The following PIEZO1 variants were observed in gnomAD, a reference collection of about 807,000 sequenced individuals.
PIEZO1 encodes the protein piezo-type mechanosensitive ion channel component 1.
In PIEZO1, 296 loss-of-function variants were observed where a neutral mutation model predicts 297.2. That is an observed-to-expected ratio of 1.00 (90% confidence interval 0.91 to 1.10). PIEZO1 has a LOEUF of 1.10. Ranked by LOEUF, PIEZO1 falls within the 50% of genes least tolerant of loss-of-function variation. PIEZO1 has a pLI of 0.00. For missense variants in PIEZO1, 5,018 were observed against 3,455.5 expected (o/e 1.45, Z -11.34); for synonymous variants, 2,427 against 1,507.5 (o/e 1.61, Z -14.13).
rs556126054 is a variant in PIEZO1 at position 88,784,993 on chromosome 16, C to G, written c.-29G>C. Reference sequence around the variant, plus strand: ...TGGAGGGCCCAGGGCCCGGCCCAGACCGAGCGGACGCCGCGGCGCTATGGG... The same window carrying G: ...TGGAGGGCCCAGGGCCCGGCCCAGAGCGAGCGGACGCCGCGGCGCTATGGG... On this transcript the variant is annotated 5_prime_UTR_variant, in exon 1 of 51. Transcript: ENST00000301015. 1.3e-3 allele frequency: 1,592 copies of G among 1,227,488 alleles called. 33 individuals are homozygous for G. In the South Asian group the frequency reaches 0.037, roughly 28 times the overall value. The allele number at this position is 1,227,488 out of a possible 1,614,324, so 76.0% of individuals were successfully genotyped here.
chr16:88,734,115 C>G, intron 16 of PIEZO1, 61 bp from the exon 17 acceptor site: 1 of 1,465,128 alleles, frequency 6.8e-7, no homozygotes, highest in Non-Finnish European at 9.1e-7. Context: ...TTTCCTGGGG[C>G]TGGAAGAAGC....
intron 44 of PIEZO1, chr16:88,719,364 C>A (rs1354105573): frequency 1.7e-6 from 1 of 575,430 alleles, no homozygotes; most frequent in African/African-American, 1.9e-5. Flanking sequence ...ACCAACTCCG[C>A]TGCCCACTTC....
Position 88,735,080 on chromosome 16 carries a change from T to C in PIEZO1, c.1670-27A>G, listed in dbSNP as rs564154897. The C allele has an allele frequency of 2.9e-5, 45 of 1,549,944 alleles. No individual in the cohort carries two copies. In the South Asian group the frequency reaches 4.8e-4, roughly 16 times the overall value. On this transcript the variant is annotated intron_variant, in intron 13 of 50. Coordinates refer to ENST00000301015, the MANE Select transcript of PIEZO1 (RefSeq NM_001142864.4). ...TGTGGGCCAAGCCAGGGGCAGGCGA[T>C]GGCATCAGGGCGGGCAGGCAGGAGG...
intron 2 of PIEZO1, among the ~76,000 whole-genome samples, chr16:88,746,866 C>T (rs1906086822): frequency 1.3e-5 from 2 of 152,190 alleles, no homozygotes; most frequent in Non-Finnish European, 2.9e-5. Flanking sequence ...AACGGCGAAA[C>T]GCCAGGGGCC....
In PIEZO1 at chr16:88,727,097, C is replaced by T. The variant is rs534527849; in HGVS notation, c.3397G>A (p.Asp1133Asn). ...EWQRMAGVNT[D>N]RLEPLRGEPN... ...TCCCCCCGCAGCGGCTCCAGGCGGT[C>T]GGTGTTGACGCCAGCCATGCGCTGC... is the stretch of plus-strand genomic sequence containing the variant. Residue 1133 changes from aspartate to asparagine, a missense_variant, in exon 24 of 51, where the codon GAC (aspartate) becomes AAC (asparagine). Physicochemically the swap from Asp to Asn is conservative, Grantham distance 23. Coordinates refer to ENST00000301015, the MANE Select transcript of PIEZO1 (RefSeq NM_001142864.4). The T allele has an allele frequency of 2.6e-5, 41 of 1,549,836 alleles. No homozygotes were observed. The highest frequency in any genetic ancestry group is 3.9e-5 in the Admixed American group (2 of 50,996).
chr16:88,723,461 G>GC, intron 31 of PIEZO1, 133 bp from the exon 32 acceptor site: 2 of 1,049,768 alleles, frequency 1.9e-6, no homozygotes, highest in Non-Finnish European at 2.7e-6. Context: ...GTGTCCCTGA[G>GC]CCCCTCCCGG....
At chr16:88,749,772 C>A (rs565078758) in intron 1 of PIEZO1, among the ~76,000 whole-genome samples, 1 of 152,234 alleles carries the variant, frequency 6.6e-6, no homozygotes, top group African/African-American at 2.4e-5. Context: ...TCACACCTGT[C>A]ATCCCAGCAC....
intron 2 of PIEZO1, chr16:88,744,485 C>G (rs1445882485): frequency 6.6e-6 from 1 of 152,042 alleles, no homozygotes; most frequent in Non-Finnish European, 1.5e-5. Context: ...TCCCTGCACA[C>G]ACGATCCAGC....
rs1567660525 is a variant in PIEZO1 at position 88,720,616 on chromosome 16, AG to A, written c.5800del (p.Leu1934TrpfsTer76). 1 of 1,540,046 alleles carries A rather than the reference AG, an allele frequency of 6.5e-7. No homozygotes were observed. The highest frequency in any genetic ancestry group is 2.0e-5 in the Admixed American group (1 of 50,424). ...GCTGCCCCCGGCCGCCATCACTCACAGGGACAGGCAGAAGCCCTGCAGCCGC... is the reference window on the plus strand; with the variant it reads ...GCTGCCCCCGGCCGCCATCACTCACAGGACAGGCAGAAGCCCTGCAGCCGC... Reference protein sequence around the residue: ...GRRLQGFCLSLAQGTYRPLRR... With the variant: ...GRRLQGFCLSXAQGTYRPLRR... On this transcript the variant is annotated frameshift_variant and splice_region_variant, in exon 40 of 51. Transcript: ENST00000301015. LOFTEE classifies it high-confidence loss of function.
chr16:88,717,400 C>A, intron 44 of PIEZO1, 189 bp from the exon 45 acceptor site: 1 of 651,366 alleles, frequency 1.5e-6, no homozygotes, highest in South Asian at 1.7e-5. Context: ...CCCTCATGTT[C>A]AGGGGTCGTT....
Position 88,720,118 on chromosome 16 carries a change from G to A in PIEZO1, c.6115C>T (p.Leu2039=), listed in dbSNP as rs1430449559. 1.9e-6 allele frequency: 3 copies of A among 1,550,412 alleles called. No homozygotes were observed. The highest frequency in any genetic ancestry group is 4.9e-5 in the East Asian group (2 of 40,922). The change falls in exon 42 of 51, where the codon CTG becomes TTG. Residue 2039 remains leucine, a synonymous_variant. Coordinates refer to ENST00000301015, the MANE Select transcript of PIEZO1 (RefSeq NM_001142864.4). ...GKLAFQVALV[L]AIHLWMFFIL... ...AAGAACATCCATAGGTGGATGGCCA[G>A]CACCAGCGCCACCTGGAAGGCCAGC...
intron 5 of PIEZO1, 29 bp downstream of exon 5, chr16:88,741,449 T>C: frequency 6.6e-7 from 1 of 1,518,956 alleles, no homozygotes; most frequent in East Asian, 2.5e-5. Context: ...ATGACCTCCC[T>C]GACACACGGG....
At chr16:88,731,015 G>A (rs1226242790) in intron 22 of PIEZO1, among the ~76,000 whole-genome samples, 4 of 152,238 alleles carry the variant, frequency 2.6e-5, no homozygotes, top group African/African-American at 7.2e-5. Flanking sequence ...GTGCACAAAT[G>A]TGACTCCCCA....
chr16:88,726,171 G>C lies in PIEZO1; in HGVS notation c.3968+113C>G, dbSNP rs561989685. 4.8e-6 allele frequency: 4 copies of C among 837,256 alleles called. No homozygotes were observed. The South Asian group carries it at 5.4e-5, about 11-fold the overall frequency. 51.9% of individuals were successfully genotyped at this position (837,256 alleles called of 1,614,324 possible). The stretch of plus-strand genomic sequence containing the variant: ...CTCTAGATGACACGCCCATGTCACA[G>C]AGTGGCAGAGCCTGCCCTCCACGGG... On this transcript the variant is annotated intron_variant, in intron 27 of 50. Transcript: ENST00000301015.
At position 88,722,575 on chromosome 16, in the gene PIEZO1, G is replaced by C. The variant is rs939309278; in HGVS notation, c.4775+8C>G. 1 of 1,518,894 alleles carries C rather than the reference G, an allele frequency of 6.6e-7. No individual in the cohort carries two copies. Among genetic ancestry groups the C allele is most frequent in the Admixed American group, 2.1e-5 (1 of 48,558 alleles). 94.1% of individuals were successfully genotyped at this position (1,518,894 alleles called of 1,614,324 possible). A position where few individuals can be genotyped will look rare whatever the true frequency, so the allele number is the denominator to read the frequency against. On this transcript the variant is annotated splice_region_variant and intron_variant, in intron 35 of 50. Coordinates refer to ENST00000301015, the MANE Select transcript of PIEZO1 (RefSeq NM_001142864.4). ...AGCAGCTGGGGCTCGGGTCACCCCC[G>C]CACCTACCTGGACACGGTGCTTGGG...
rs552570744 is a variant in PIEZO1 at position 88,722,594 on chromosome 16, G to A, written c.4764C>T (p.Ser1588=). 9 of 1,535,594 alleles carry A rather than the reference G, an allele frequency of 5.9e-6. No homozygotes were observed. The highest frequency in any genetic ancestry group is 7.9e-6 in the Non-Finnish European group (9 of 1,143,768). The change falls in exon 35 of 51, where the codon AGC becomes AGT. Residue 1588 remains serine, a synonymous_variant. Transcript: ENST00000301015. ...ACCCCCGCACCTACCTGGACACGGT[G>A]CTTGGGGCATTGGGGGCCTCGGTGG... The part of the protein sequence containing the change: ...PGPTEAPNAP[S]TVSSGLGAEE...
rs1905316875 is a variant in PIEZO1, at chr16:88,737,604, T to C, written c.1150A>G (p.Ile384Val). The C allele has an allele frequency of 2.0e-5, 30 of 1,534,796 alleles. No homozygotes were observed. Among genetic ancestry groups the C allele is most frequent in the East Asian group, 2.4e-5 (1 of 40,898 alleles). Residue 384 changes from isoleucine (I) to valine (V), a missense_variant, in exon 10 of 51, where the codon ATC becomes GTC. Transcript: ENST00000301015. ...CTCTGGCCGGTCAGCTCGTGCACGA[T>C]GCAGTTATCAGCCTCGGTGTCGGGT... ...TAPDTEADNCIVHELTGQSSV... is the reference protein window; with the variant it reads ...TAPDTEADNCVVHELTGQSSV...
chr16:88,754,955 C>G lies in PIEZO1; in HGVS notation c.65-5476G>C, dbSNP rs529549825. ...AGGAGCTGAAAGCTGGGGCCCCAGG[C>G]CCAGCAGCTGAACCTCCCACCCGAG... is the stretch of plus-strand genomic sequence containing the variant. On this transcript the variant is annotated intron_variant, in intron 1 of 50. Transcript: ENST00000301015. Among the ~76,000 whole-genome samples, 11 of 152,358 alleles carry G rather than the reference C, an allele frequency of 7.2e-5. No individual in the cohort carries two copies. The South Asian group carries it at 2.3e-3, about 32-fold the overall frequency.
chr16:88,745,837 G>C (rs964706606), intron 2 of PIEZO1: 24 of 152,230 alleles, frequency 1.6e-4, no homozygotes, highest in African/African-American at 5.1e-4. Flanking sequence ...GAGGCCCCAG[G>C]GTATTGCAGA....
Sources: allele counts gnomAD v4.1 joint callset (sites outside exome capture counted in the v4.1 genomes callset), GRCh38; gene constraint gnomAD v4.1.1; transcripts MANE v1.5; gene names NCBI Gene and HGNC (gene_info 2026-07-23, HGNC 2026-07-21).